Variants in STAMBPL1 observed in about 807,000 individuals in gnomAD.
STAMBPL1 encodes the protein AMSH-like protease.
In STAMBPL1, 44 loss-of-function variants were observed where a neutral mutation model predicts 52.9. That is an observed-to-expected ratio of 0.83 (90% CI 0.65 to 1.07). STAMBPL1 has a LOEUF of 1.07. Ranked by LOEUF, STAMBPL1 falls within the 50% of genes least tolerant of loss-of-function variation. STAMBPL1 has a pLI of 0.00. For synonymous variants in STAMBPL1, 164 were observed against 177.3 expected, an observed-to-expected ratio of 0.92 and a Z score of 0.60; for missense variants, 511 against 520.8, an observed-to-expected ratio of 0.98 and a Z score of 0.18.
intron 8 of STAMBPL1, among the ~76,000 whole-genome samples, chr10:88,918,632 T>C (rs1000956609): frequency 1.3e-5 from 2 of 152,220 alleles, no homozygotes; most frequent in Non-Finnish European, 2.9e-5. Flanking sequence ...GTGAGTAATA[T>C]GCATTACACT....
At chr10:88,895,810 G>A (rs941204207) in intron 1 of STAMBPL1, among the ~76,000 whole-genome samples, 5 of 152,142 alleles carry the variant, frequency 3.3e-5, no homozygotes, top group African/African-American at 1.2e-4. Context: ...ACTTCATCTT[G>A]GTGGCTGGAT....
chr10:88,885,436 T>C (rs1395350555), intron 1 of STAMBPL1, among the ~76,000 whole-genome samples: 2 of 152,256 alleles, frequency 1.3e-5, no homozygotes, highest in Non-Finnish European at 2.9e-5. Context: ...TCATATATGC[T>C]TTGAAAATGG....
chr10:88,903,541 C>CT lies in STAMBPL1; in HGVS notation c.30+1807dup, dbSNP rs1369260860. Among the ~76,000 whole-genome samples, 12 of 152,280 alleles carry CT rather than the reference C, an allele frequency of 7.9e-5. No homozygotes were observed. The South Asian group carries it at 2.5e-3, about 32-fold the overall frequency. ...GTAGTAGTAAAATATGAATACATTA[C>CT]TTTTATACATATGAGAGGCTGGAAC... On this transcript the variant is annotated intron_variant, in intron 2 of 10. Coordinates refer to ENST00000371926, the MANE Select transcript of STAMBPL1 (RefSeq NM_020799.4).
Position 88,923,272 on chromosome 10 carries a change from C to T in STAMBPL1, c.*48C>T. On this transcript the variant is annotated 3_prime_UTR_variant, in exon 11 of 11. Transcript: ENST00000371926. ...TCAACATCAGACACCTACTCATGGA[C>T]ATGTGGTTGCCGGATTTTCTTAAGA... 2.0e-6 allele frequency: 3 copies of T among 1,534,968 alleles called. No homozygotes were observed. The highest frequency in any genetic ancestry group is 2.4e-5 in the Admixed American group (1 of 41,612).
intron 8 of STAMBPL1, among the ~76,000 whole-genome samples, chr10:88,917,396 T>C (rs1409024523): frequency 1.3e-5 from 2 of 152,148 alleles, no homozygotes; most frequent in African/African-American, 2.4e-5. Context: ...CCCAAAACAT[T>C]GAATTCCAAC....
intron 1 of STAMBPL1, among the ~76,000 whole-genome samples, chr10:88,888,582 A>G (rs2133124723): frequency 6.6e-6 from 1 of 152,316 alleles, no homozygotes; most frequent in Admixed American, 6.5e-5. Flanking sequence ...TATTGATGTT[A>G]TGGTGTATAC....
intron 2 of STAMBPL1, among the ~76,000 whole-genome samples, chr10:88,902,635 A>G (rs771021487): frequency 1.3e-5 from 2 of 152,078 alleles, no homozygotes; most frequent in Non-Finnish European, 2.9e-5. Flanking sequence ...CAATGGCACA[A>G]TCTCGGCTCA....
intron 2 of STAMBPL1, among the ~76,000 whole-genome samples, chr10:88,904,633 G>T (rs1429963221): frequency 1.4e-5 from 2 of 147,952 alleles, no homozygotes; most frequent in African/African-American, 4.9e-5. Flanking sequence ...ACTTAACAGA[G>T]AAAATTTCCT....
rs1433693981 is a variant in STAMBPL1 at position 88,911,425 on chromosome 10, TAC to T, written c.420+416_420+417del. On this transcript the variant is annotated intron_variant, in intron 5 of 10. Transcript: ENST00000371926. ...AATGTGAATTTGATTCTTAGAATGT[TAC>T]AGTCAGTATTGCATTGAGATAGAAT... 2.6e-5 allele frequency among the ~76,000 whole-genome samples: 4 copies of T among 152,340 alleles called. No homozygotes were observed. In the East Asian group the frequency reaches 7.7e-4, roughly 29 times the overall value.
intron 1 of STAMBPL1, among the ~76,000 whole-genome samples, chr10:88,900,799 C>G (rs1246233700): frequency 6.6e-6 from 1 of 152,234 alleles, no homozygotes; most frequent in Non-Finnish European, 1.5e-5. Context: ...CACAGCTTAT[C>G]TAGATCCTCT....
At chr10:88,881,905 G>A (rs528751696) in intron 1 of STAMBPL1, among the ~76,000 whole-genome samples, 1 of 152,176 alleles carries the variant, frequency 6.6e-6, no homozygotes, top group Non-Finnish European at 1.5e-5. Context: ...TCGCTGAGCA[G>A]TAGGCTCTTT....
intron 6 of STAMBPL1, 97 bp downstream of exon 6, chr10:88,913,555 A>T (rs1845285706): frequency 1.5e-5 from 15 of 1,032,064 alleles, no homozygotes; most frequent in Non-Finnish European, 1.7e-5. Flanking sequence ...TTCATTATTA[A>T]TTGTAGTAGG....
At chr10:88,900,031 C>T (rs1370685819) in intron 1 of STAMBPL1, among the ~76,000 whole-genome samples, 1 of 152,162 alleles carries the variant, frequency 6.6e-6, no homozygotes, top group Non-Finnish European at 1.5e-5. Context: ...TTCTAAACTA[C>T]ACTGTGATGA....
chr10:88,884,096 T>C (rs2085678243), intron 1 of STAMBPL1, among the ~76,000 whole-genome samples: 1 of 152,212 alleles, frequency 6.6e-6, no homozygotes, highest in African/African-American at 2.4e-5. Context: ...TCAAGCTTGT[T>C]TCATTCTGAA....
At chr10:88,911,054 C>T (rs1359996097) in intron 5 of STAMBPL1, 43 bp downstream of exon 5, 8 of 1,278,460 alleles carry the variant, frequency 6.3e-6, no homozygotes, top group African/African-American at 3.1e-5. Flanking sequence ...ATTTTATGTA[C>T]AAGTATTTTT....
chr10:88,910,982 G>C lies in STAMBPL1; in HGVS notation c.391G>C (p.Val131Leu), dbSNP rs148947892. Residue 131 changes from valine (V) to leucine (L), a missense_variant, in exon 5 of 11, where the codon GTA becomes CTA. Val to Leu is a conservative substitution (Grantham distance 32). Transcript: ENST00000371926. ...AAACGACCTTTTAAAGAAATATAAC[G>C]TAGAATACCAAGAATATTTGCAAAG... ...LKNDLLKKYN[V>L]EYQEYLQSKN... is the part of the protein sequence containing the mutation. 10 of 1,592,580 alleles carry C rather than the reference G, an allele frequency of 6.3e-6. No individual in the cohort carries two copies. In the East Asian group the frequency reaches 1.8e-4, roughly 29 times the overall value.
At chr10:88,893,140 A>G (rs574826316) in intron 1 of STAMBPL1, among the ~76,000 whole-genome samples, 49 of 152,362 alleles carry the variant, frequency 3.2e-4, no homozygotes, top group Admixed American at 2.6e-3. Context: ...TAGCAAGTTC[A>G]TATGAATTTG....
In STAMBPL1 at chr10:88,910,939, A is replaced by G. The variant is rs995387364; in HGVS notation, c.348A>G (p.Pro116=). 3.1e-6 allele frequency: 5 copies of G among 1,596,276 alleles called. No homozygotes were observed. The highest frequency in any genetic ancestry group is 3.4e-6 in the Non-Finnish European group (4 of 1,174,446). Residue 116 remains proline, a synonymous_variant, in exon 5 of 11, where the codon CCA becomes CCG. Coordinates refer to ENST00000371926, the MANE Select transcript of STAMBPL1 (RefSeq NM_020799.4). ...AGAAACTGAAGGAGATTGCATTCCC[A>G]AGGACAGATGAATTGAAAAACGACC... The part of the protein sequence containing the change: ...IMKKLKEIAF[P]RTDELKNDLL...
At chr10:88,882,090 C>T (rs1844419898) in intron 1 of STAMBPL1, 1 of 152,224 alleles carries the variant, frequency 6.6e-6, no homozygotes, top group African/African-American at 2.4e-5. Context: ...GCAACTGGTT[C>T]TTGGGAATTT....
Sources: gnomAD v4.1 joint callset for allele counts (sites outside exome capture counted in the v4.1 genomes callset) on GRCh38, gnomAD v4.1.1 for gene constraint, MANE v1.5 for transcripts, NCBI Gene and HGNC (gene_info 2026-07-23, HGNC 2026-07-21) for gene names.